Variants in ATF6 observed in about 807,000 individuals in gnomAD.
The protein encoded by ATF6 is activating transcription factor 6, also known as cyclic AMP-dependent transcription factor ATF-6 alpha.
Under a neutral mutation model 83.6 loss-of-function variants are expected in ATF6, and 53 were observed. That is an observed-to-expected ratio of 0.63 (90% confidence interval 0.51 to 0.80). The LOEUF (loss-of-function observed/expected upper bound fraction) is 0.80. Ranked by LOEUF, ATF6 falls within the 30% of genes least tolerant of loss-of-function variation. The pLI is 0.00. For synonymous variants in ATF6, 288 were observed against 285.8 expected (o/e 1.01, Z -0.08); for missense variants, 744 against 797.9 (o/e 0.93, Z 0.81).
chr1:161,857,951 C>T (rs1571194808), intron 12 of ATF6, among the ~76,000 whole-genome samples: 1 of 151,938 alleles, frequency 6.6e-6, no homozygotes, highest in East Asian at 1.9e-4. Flanking sequence ...TAAAGAAGTA[C>T]AGCTAGAGCC....
intron 14 of ATF6, among the ~76,000 whole-genome samples, chr1:161,886,679 G>A (rs1687428855): frequency 6.6e-6 from 1 of 152,190 alleles, no homozygotes; most frequent in African/African-American, 2.4e-5. Context: ...AGTACATGCG[G>A]TCCATTGTTG....
chr1:161,945,734 T>C (rs1051530730), intron 15 of ATF6, among the ~76,000 whole-genome samples: 2 of 152,234 alleles, frequency 1.3e-5, no homozygotes, highest in East Asian at 1.9e-4. Flanking sequence ...TTCTTCCATA[T>C]GTATTTTACC....
At chr1:161,932,693 GT>G (rs1234406881) in intron 15 of ATF6, among the ~76,000 whole-genome samples, 1 of 152,180 alleles carries the variant, frequency 6.6e-6, no homozygotes, top group Non-Finnish European at 1.5e-5. Flanking sequence ...TTATTTCACA[GT>G]TTCTTTGGTT....
intron 10 of ATF6, among the ~76,000 whole-genome samples, chr1:161,849,009 C>T (rs1293101731): frequency 6.6e-6 from 1 of 151,502 alleles, no homozygotes; most frequent in Non-Finnish European, 1.5e-5. Context: ...GAAATCATTA[C>T]TAGAGTTCAG....
chr1:161,900,831 G>C (rs186788174), intron 14 of ATF6, among the ~76,000 whole-genome samples: 129 of 152,122 alleles, frequency 8.5e-4, no homozygotes, highest in Admixed American at 1.5e-3. Context: ...TTTTACATTT[G>C]AAATAGATAA....
At chr1:161,934,714 A>G (rs1052901746) in intron 15 of ATF6, among the ~76,000 whole-genome samples, 7 of 152,258 alleles carry the variant, frequency 4.6e-5, no homozygotes, top group African/African-American at 1.7e-4. Context: ...ATATGTTTTC[A>G]TGGCACTTAG....
chr1:161,906,079 T>A (rs914256858), intron 14 of ATF6, among the ~76,000 whole-genome samples: 1 of 152,154 alleles, frequency 6.6e-6, no homozygotes, highest in African/African-American at 2.4e-5. Context: ...ATGATCCATC[T>A]GCCTCGGCCT....
At chr1:161,955,138 C>T (rs1164539683) in intron 15 of ATF6, among the ~76,000 whole-genome samples, 1 of 152,158 alleles carries the variant, frequency 6.6e-6, no homozygotes, top group Non-Finnish European at 1.5e-5. Flanking sequence ...TACTAGAGCC[C>T]TGCATATTAG....
At chr1:161,935,781 T>A (rs541766617) in intron 15 of ATF6, among the ~76,000 whole-genome samples, 1 of 152,352 alleles carries the variant, frequency 6.6e-6, no homozygotes, top group African/African-American at 2.4e-5. Context: ...CCTAGTAATA[T>A]AATAGGTCCA....
intron 15 of ATF6, among the ~76,000 whole-genome samples, chr1:161,917,509 C>T (rs1688124658): frequency 4.6e-5 from 7 of 151,900 alleles, no homozygotes; most frequent in African/African-American, 1.7e-4. Context: ...CAAGCTCCAC[C>T]TCCCGGGTTC....
intron 15 of ATF6, among the ~76,000 whole-genome samples, chr1:161,923,979 C>CT (rs2101897415): frequency 6.6e-6 from 1 of 152,364 alleles, no homozygotes; most frequent in East Asian, 1.9e-4. Context: ...GAGCCTCCCA[C>CT]TAACTCTCCA....
chr1:161,898,119 A>T (rs747805781), intron 14 of ATF6, among the ~76,000 whole-genome samples: 1 of 152,186 alleles, frequency 6.6e-6, no homozygotes, highest in Non-Finnish European at 1.5e-5. Flanking sequence ...AGTAAAAGCC[A>T]TTCAGAGAGA....
At chr1:161,850,900 C>G (rs1240244948) in intron 10 of ATF6, among the ~76,000 whole-genome samples, 1 of 152,164 alleles carries the variant, frequency 6.6e-6, no homozygotes, top group Non-Finnish European at 1.5e-5. Flanking sequence ...CAAATTCTAA[C>G]TTTCAACTCC....
chr1:161,802,196 C>G lies in ATF6; in HGVS notation c.833C>G (p.Ala278Gly). ...GTGAATGTGGTACCAGCCCCTTCAGCGAATAGCCCAGTGAATGGAAAACTT... is the reference window on the plus strand; with the variant it reads ...GTGAATGTGGTACCAGCCCCTTCAGGGAATAGCCCAGTGAATGGAAAACTT... ...HVVNVVPAPS[A>G]NSPVNGKLSV... Residue 278 changes from alanine to glycine, a missense_variant, in exon 7 of 16, where the codon GCG becomes GGG. Ala to Gly is a moderately conservative substitution (Grantham distance 60). Coordinates refer to ENST00000367942, the MANE Select transcript of ATF6 (RefSeq NM_007348.4). The G allele has an allele frequency of 6.2e-7, 1 of 1,614,028 alleles. No individual in the cohort carries two copies. Among genetic ancestry groups the G allele is most frequent in the Non-Finnish European group, 8.5e-7 (1 of 1,180,000 alleles).
intron 14 of ATF6, among the ~76,000 whole-genome samples, chr1:161,884,384 GA>G (rs1166422415): frequency 3.3e-5 from 5 of 151,998 alleles, no homozygotes; most frequent in Non-Finnish European, 7.4e-5. Flanking sequence ...GATCTTTAAA[GA>G]AAACATAAAT....
intron 3 of ATF6, among the ~76,000 whole-genome samples, chr1:161,782,859 G>C (rs186743305): frequency 1.3e-5 from 2 of 152,266 alleles, no homozygotes; most frequent in Non-Finnish European, 2.9e-5. Flanking sequence ...TAGAATCTAT[G>C]GGTCACGAAT....
chr1:161,831,703 C>A (rs1333314208), intron 9 of ATF6, among the ~76,000 whole-genome samples: 2 of 150,638 alleles, frequency 1.3e-5, no homozygotes, highest in Non-Finnish European at 2.9e-5. Flanking sequence ...GGACAAAAAA[C>A]CAAACACCAC....
At chr1:161,781,824 A>G (rs2101728047) in intron 2 of ATF6, 88 bp from the exon 3 acceptor site, 1 of 850,514 alleles carries the variant, frequency 1.2e-6, no homozygotes, top group Non-Finnish European at 1.8e-6. Flanking sequence ...CAGTTAAATT[A>G]TTTGTGCCAA....
intron 15 of ATF6, among the ~76,000 whole-genome samples, chr1:161,938,568 A>G (rs1267305549): frequency 6.6e-6 from 1 of 152,252 alleles, no homozygotes; most frequent in Non-Finnish European, 1.5e-5. Context: ...GCAGGCAAGA[A>G]GTTAGTAGAA....
Sources: gnomAD v4.1 joint callset for allele counts (sites outside exome capture counted in the v4.1 genomes callset) on GRCh38, gnomAD v4.1.1 for gene constraint, MANE v1.5 for transcripts, NCBI Gene and HGNC (gene_info 2026-07-23, HGNC 2026-07-21) for gene names.